PCCA: variants seen among roughly 807,000 people sequenced by gnomAD.
PCCA encodes propionyl-CoA carboxylase subunit alpha, also known as propionyl-CoA carboxylase alpha chain, mitochondrial.
A neutral mutation model predicts 101.3 loss-of-function variants in PCCA; 74 were observed. The observed-to-expected ratio is 0.73, with a 90% CI of 0.61 to 0.89. The LOEUF (loss-of-function observed/expected upper bound fraction) is 0.89, where lower values mean the gene tolerates loss of function less well. Among genes scored for constraint, PCCA ranks in the 40% least tolerant of loss-of-function variants. The pLI is 0.00. For synonymous variants in PCCA, 294 were observed against 313.6 expected (o/e 0.94, Z 0.66); for missense variants, 891 against 907.0 (o/e 0.98, Z 0.23).
At chr13:100,453,230 G>T (rs2081461201) in intron 21 of PCCA, among the ~76,000 whole-genome samples, 2 of 152,088 alleles carry the variant, frequency 1.3e-5, no homozygotes, top group South Asian at 4.1e-4. Flanking sequence ...GGCCGGGCAT[G>T]GTGGCTCACA....
At chr13:100,494,509 C>T (rs955409637) in intron 21 of PCCA, among the ~76,000 whole-genome samples, 12 of 151,926 alleles carry the variant, frequency 7.9e-5, no homozygotes, top group African/African-American at 2.7e-4. Context: ...CATGGAGAAA[C>T]CCTGCCTCTA....
chr13:100,099,655 A>G (rs2047098812), intron 1 of PCCA, among the ~76,000 whole-genome samples: 1 of 151,780 alleles, frequency 6.6e-6, no homozygotes, highest in Admixed American at 6.6e-5. Flanking sequence ...TTTTCCAGCC[A>G]CTGCAAACAG....
chr13:100,135,606 C>T (rs1566550359), intron 4 of PCCA, among the ~76,000 whole-genome samples: 1 of 152,070 alleles, frequency 6.6e-6, no homozygotes, highest in Non-Finnish European at 1.5e-5. Context: ...TGTCTGTGAA[C>T]AGAGACAGTT....
intron 18 of PCCA, among the ~76,000 whole-genome samples, chr13:100,359,337 C>T (rs986698550): frequency 6.6e-6 from 1 of 151,978 alleles, no homozygotes; most frequent in Non-Finnish European, 1.5e-5. Flanking sequence ...AGATCCTAGC[C>T]AGTGCAGTTG....
At position 100,154,984 on chromosome 13, in the gene PCCA, T is replaced by C. The variant is rs1388078702; in HGVS notation, c.306T>C (p.His102=). 3.1e-6 allele frequency: 5 copies of C among 1,612,438 alleles called. No individual in the cohort carries two copies. Among genetic ancestry groups the C allele is most frequent in the African/African-American group, 1.3e-5 (1 of 75,014 alleles). Residue 102 remains histidine (H), a synonymous_variant, in exon 5 of 24, where the codon CAT becomes CAC. Transcript: ENST00000376285. ...GCAGAAATTTGTCTCCTCAGGTTCA[T>C]GTGAAAATGGCGGATGAGGCTGTCT... ...IHSDVDASSV[H]VKMADEAVCV...
At chr13:100,522,408 T>C (rs947568851) in intron 22 of PCCA, among the ~76,000 whole-genome samples, 1 of 152,226 alleles carries the variant, frequency 6.6e-6, no homozygotes, top group Non-Finnish European at 1.5e-5. Flanking sequence ...GATACTCCAA[T>C]GACTGATGAA....
At chr13:100,490,111 A>C (rs967004179) in intron 21 of PCCA, 1 of 152,214 alleles carries the variant, frequency 6.6e-6, no homozygotes, top group Non-Finnish European at 1.5e-5. Context: ...TCTGTTGCCT[A>C]TATCCTGGTC....
chr13:100,108,947 G>A (rs1363251627), intron 2 of PCCA, among the ~76,000 whole-genome samples: 1 of 152,146 alleles, frequency 6.6e-6, no homozygotes, highest in Non-Finnish European at 1.5e-5. Flanking sequence ...AAGATTAATT[G>A]ATATGATTAG....
chr13:100,300,376 C>CT (rs2065969898), intron 12 of PCCA, among the ~76,000 whole-genome samples: 1 of 151,948 alleles, frequency 6.6e-6, no homozygotes. Context: ...GCATTGTCTG[C>CT]TTATGATAAG....
chr13:100,206,024 TC>T (rs1188217809), intron 6 of PCCA, among the ~76,000 whole-genome samples: 1 of 152,192 alleles, frequency 6.6e-6, no homozygotes, highest in Non-Finnish European at 1.5e-5. Flanking sequence ...CAGCGCTACT[TC>T]CTACGTATGT....
chr13:100,389,737 C>A (rs2076711496), intron 19 of PCCA, among the ~76,000 whole-genome samples: 1 of 152,112 alleles, frequency 6.6e-6, no homozygotes, highest in South Asian at 2.1e-4. Flanking sequence ...GCACAGAAAG[C>A]TTGAAGTGTG....
intron 16 of PCCA, among the ~76,000 whole-genome samples, chr13:100,326,405 C>A (rs191118163): frequency 1.3e-5 from 2 of 152,108 alleles, no homozygotes; most frequent in Non-Finnish European, 2.9e-5. Context: ...TCAGACAATG[C>A]GGCAGAAGGA....
intron 5 of PCCA, among the ~76,000 whole-genome samples, chr13:100,156,242 A>C (rs1974268): frequency 6.6e-6 from 1 of 152,070 alleles, no homozygotes; most frequent in African/African-American, 2.4e-5. Context: ...CTAATTTTGT[A>C]TTTTTAGTAG....
intron 12 of PCCA, among the ~76,000 whole-genome samples, chr13:100,300,922 A>G (rs2066012616): frequency 6.6e-6 from 1 of 152,202 alleles, no homozygotes; most frequent in Non-Finnish European, 1.5e-5. Flanking sequence ...TGTGGAGGGA[A>G]AGCAACCTGA....
At chr13:100,097,483 G>C (rs2046872926) in intron 1 of PCCA, among the ~76,000 whole-genome samples, 1 of 152,186 alleles carries the variant, frequency 6.6e-6, no homozygotes, top group South Asian at 2.1e-4. Context: ...ACTTTGGGAG[G>C]CCGAGGCAGG....
At chr13:100,463,477 AG>A (rs1596011696) in intron 21 of PCCA, among the ~76,000 whole-genome samples, 1 of 149,294 alleles carries the variant, frequency 6.7e-6, no homozygotes, top group East Asian at 1.9e-4. Flanking sequence ...AGATTTCTAG[AG>A]GTGATAACTG....
At chr13:100,320,017 A>G (rs1414923544) in intron 16 of PCCA, among the ~76,000 whole-genome samples, 3 of 152,168 alleles carry the variant, frequency 2.0e-5, no homozygotes, top group African/African-American at 7.2e-5. Flanking sequence ...AGTGTTTTGT[A>G]GTTCTGTTTG....
At chr13:100,157,153 A>G (rs1406876875) in intron 5 of PCCA, 134 bp from the exon 6 acceptor site, 2 of 623,684 alleles carry the variant, frequency 3.2e-6, no homozygotes, top group South Asian at 4.1e-5. Flanking sequence ...AGAACTGATC[A>G]GTGTATAAGA....
chr13:100,200,833 A>G (rs1403111653), intron 6 of PCCA, among the ~76,000 whole-genome samples: 1 of 152,062 alleles, frequency 6.6e-6, no homozygotes, highest in Non-Finnish European at 1.5e-5. Context: ...ATAATTAAAT[A>G]AAGTCTACAT....
Sources: allele counts gnomAD v4.1 joint callset (sites outside exome capture counted in the v4.1 genomes callset), GRCh38; gene constraint gnomAD v4.1.1; transcripts MANE v1.5; gene names NCBI Gene and HGNC (gene_info 2026-07-23, HGNC 2026-07-21).